The following TTLL7 variants were observed in gnomAD, a reference collection of about 807,000 sequenced individuals.
TTLL7 encodes the protein tubulin polyglutamylase TTLL7.
In TTLL7, 53 loss-of-function variants were observed where a neutral mutation model predicts 120.2. That is an observed-to-expected ratio of 0.44 (90% CI 0.35 to 0.55). The LOEUF is 0.55. Ranked by LOEUF, TTLL7 falls within the 20% of genes least tolerant of loss-of-function variation. The pLI is 0.00. For missense variants in TTLL7, 803 were observed against 1,054.7 expected (o/e 0.76, Z 3.31); for synonymous variants, 353 against 351.7 (o/e 1.00, Z -0.04).
intron 1 of TTLL7, among the ~76,000 whole-genome samples, chr1:83,965,104 CCA>C (rs1650333693): frequency 1.5e-5 from 1 of 67,422 alleles, no homozygotes; most frequent in African/African-American, 6.0e-5. Flanking sequence ...CAATCTCTCC[CCA>C]GTCAATCTAT....
At chr1:83,889,072 A>G (rs960422869) in intron 19 of TTLL7, among the ~76,000 whole-genome samples, 3 of 152,068 alleles carry the variant, frequency 2.0e-5, no homozygotes, top group African/African-American at 7.2e-5. Flanking sequence ...GTAATTTACA[A>G]AGGAAAGAGG....
At chr1:83,910,954 C>G (rs989006954) in intron 15 of TTLL7, among the ~76,000 whole-genome samples, 1 of 152,176 alleles carries the variant, frequency 6.6e-6, no homozygotes, top group South Asian at 2.1e-4. Context: ...AGAATAGATC[C>G]TTAATCCAGC....
At chr1:83,951,760 C>T in intron 3 of TTLL7, 85 bp downstream of exon 3, 1 of 1,428,624 alleles carries the variant, frequency 7.0e-7, no homozygotes. Context: ...TAAGTTATCT[C>T]TTTGGATTTC....
chr1:83,896,661 A>G (rs1571104863), intron 18 of TTLL7, among the ~76,000 whole-genome samples: 2 of 152,216 alleles, frequency 1.3e-5, no homozygotes, highest in East Asian at 3.9e-4. Flanking sequence ...ATGCATGCAG[A>G]AGCAGCCACA....
intron 7 of TTLL7, 148 bp from the exon 8 acceptor site, chr1:83,938,164 C>T (rs1050129809): frequency 7.3e-5 from 51 of 696,494 alleles, no homozygotes; most frequent in Admixed American, 1.7e-4. Context: ...TAGATAATAT[C>T]CCAATTAAAT....
chr1:83,974,390 T>C (rs898917686), intron 1 of TTLL7, among the ~76,000 whole-genome samples: 1 of 152,002 alleles, frequency 6.6e-6, no homozygotes, highest in Non-Finnish European at 1.5e-5. Flanking sequence ...AAATAAATCA[T>C]TCTTTAAAAT....
At position 83,924,471 on chromosome 1, in the gene TTLL7, A is replaced by G. The variant is rs6699639; in HGVS notation, c.1143-3077T>C. Among the ~76,000 whole-genome samples, 1,163 of 152,306 alleles carry G rather than the reference A, an allele frequency of 7.6e-3. 21 individuals are homozygous for G. The highest frequency in any genetic ancestry group is 0.025 in the African/African-American group (1,051 of 41,578). On this transcript the variant is annotated intron_variant, in intron 10 of 20. Coordinates refer to ENST00000260505, the MANE Select transcript of TTLL7 (RefSeq NM_024686.6). ...GTTACTTTAAGCCAGTAACAAAGGG[A>G]CAAATACATATGATTCCACTCTTAT...
intron 18 of TTLL7, among the ~76,000 whole-genome samples, chr1:83,892,596 GAATGAACATATA>G (rs1655727076): frequency 1.6e-5 from 1 of 64,150 alleles, no homozygotes; most frequent in African/African-American, 5.0e-5. Flanking sequence ...ATGAACATAT[GAATGAACATATA>G]TATGAACATA....
At chr1:83,920,482 A>G (rs964952507) in intron 12 of TTLL7, 1 of 152,842 alleles carries the variant, frequency 6.5e-6, no homozygotes, top group Non-Finnish European at 1.5e-5. Context: ...TGTTCTTATC[A>G]CTACTGTTGA....
intron 19 of TTLL7, among the ~76,000 whole-genome samples, chr1:83,883,397 G>A (rs1654697322): frequency 6.6e-6 from 1 of 151,924 alleles, no homozygotes; most frequent in South Asian, 2.1e-4. Context: ...ATGTGAGAGA[G>A]AGAGTGTGTC....
At chr1:83,980,812 T>C (rs1000790920) in intron 1 of TTLL7, 1 of 152,064 alleles carries the variant, frequency 6.6e-6, no homozygotes, top group African/African-American at 2.4e-5. Flanking sequence ...AAAGTATGTA[T>C]GGGAAATACT....
chr1:83,908,067 G>C (rs765890945), intron 15 of TTLL7, among the ~76,000 whole-genome samples: 1 of 152,072 alleles, frequency 6.6e-6, no homozygotes, highest in African/African-American at 2.4e-5. Context: ...TTGCCCAGAG[G>C]CTTAGAGAAA....
At chr1:83,939,718 A>G in intron 7 of TTLL7, among the ~76,000 whole-genome samples, 1 of 152,202 alleles carries the variant, frequency 6.6e-6, no homozygotes, top group Non-Finnish European at 1.5e-5. Context: ...TGTTTATTAT[A>G]TTTCAATGTT....
intron 10 of TTLL7, among the ~76,000 whole-genome samples, chr1:83,926,266 A>T (rs1454072486): frequency 3.9e-5 from 6 of 152,102 alleles, no homozygotes; most frequent in South Asian, 2.1e-4. Context: ...GCAATATTGA[A>T]TTTAAGTGTT....
chr1:83,867,283 A>G lies in TTLL7; in HGVS notation c.*2679T>C, dbSNP rs1033542807. 6.6e-6 allele frequency: 1 copy of G among 151,984 alleles called. No individual in the cohort carries two copies. The highest frequency in any genetic ancestry group is 2.4e-5 in the African/African-American group (1 of 41,440). 9.4% of individuals were successfully genotyped at this position (151,984 alleles called of 1,614,324 possible). On this transcript the variant is annotated 3_prime_UTR_variant, in exon 21 of 21. Coordinates refer to ENST00000260505, the MANE Select transcript of TTLL7 (RefSeq NM_024686.6). ...TTGTTGTGTCTTCTCTTAGTTGCTC[A>G]TTAGGGAATAGCACTACAGCAGACA...
Position 83,933,700 on chromosome 1 carries a change from G to A in TTLL7, c.955C>T (p.Pro319Ser). 6.2e-7 allele frequency: 1 copy of A among 1,613,522 alleles called. No homozygotes were observed. Among genetic ancestry groups the A allele is most frequent in the Non-Finnish European group, 8.5e-7 (1 of 1,179,674 alleles). ...CTTTCGCTTCCTGGAGGTTGACCAGGTCTACACATTCGATAGGCATGCAGG... is the reference window on the plus strand; with the variant it reads ...CTTTCGCTTCCTGGAGGTTGACCAGATCTACACATTCGATAGGCATGCAGG... ...HVLHAYRMCR[P>S]GQPPGSESVC... Residue 319 changes from proline to serine, a missense_variant, in exon 9 of 21, where the codon CCT becomes TCT. Physicochemically the swap from Pro to Ser is moderately conservative, Grantham distance 74. Transcript: ENST00000260505.
rs1322724393 is a variant in TTLL7 at position 83,946,900 on chromosome 1, C to T, written c.506+224G>A. Among the ~76,000 whole-genome samples the T allele has an allele frequency of 2.0e-5, 3 of 152,106 alleles. No individual in the cohort carries two copies. In the East Asian group the frequency reaches 5.8e-4, roughly 29 times the overall value. ...TATATTTTGTTATCTCCTTTCAAAGCCTCACAACCTGCTGATTAAATTTTT... is the reference window on the plus strand; with the variant it reads ...TATATTTTGTTATCTCCTTTCAAAGTCTCACAACCTGCTGATTAAATTTTT... On this transcript the variant is annotated intron_variant, in intron 6 of 20. Transcript: ENST00000260505.
At chr1:83,958,146 T>G (rs1452822311) in intron 1 of TTLL7, among the ~76,000 whole-genome samples, 1 of 152,226 alleles carries the variant, frequency 6.6e-6, no homozygotes, top group Non-Finnish European at 1.5e-5. Flanking sequence ...AGGCACTTTT[T>G]GAGGTTTATA....
chr1:83,906,307 T>A (rs1657193622), intron 17 of TTLL7, 22 bp downstream of exon 17: 3 of 1,597,386 alleles, frequency 1.9e-6, no homozygotes, highest in Non-Finnish European at 2.6e-6. Context: ...TCCTTGGCAT[T>A]TTAGATACAT....
Sources: allele counts gnomAD v4.1 joint callset (sites outside exome capture counted in the v4.1 genomes callset), GRCh38; gene constraint gnomAD v4.1.1; transcripts MANE v1.5; gene names NCBI Gene and HGNC (gene_info 2026-07-23, HGNC 2026-07-21).